The following HDAC8 variants were observed in gnomAD, a reference collection of about 807,000 sequenced individuals.
HDAC8 encodes the protein histone deacetylase-like 1.
HDAC8 carries 1 observed loss-of-function variant against 32.2 expected under a neutral mutation model. The ratio of observed to expected loss-of-function variants is 0.03; its 90% CI spans 0.01 to 0.15. The LOEUF (loss-of-function observed/expected upper bound fraction) is 0.15. HDAC8 is among the 10% of genes least tolerant of loss of function. The pLI is 1.00. For missense variants in HDAC8, 117 were observed against 300.0 expected (o/e 0.39, Z 4.51); for synonymous variants, 108 against 113.9 (o/e 0.95, Z 0.33).
chrX:72,414,681 C>A (rs782684137), intron 9 of HDAC8, among the ~76,000 whole-genome samples: 2 of 111,830 alleles, frequency 1.8e-5, no homozygotes, highest in Non-Finnish European at 3.8e-5. Context: ...TTGTCCAACA[C>A]CTCCCACCCC....
At chrX:72,541,187 A>T (rs1455323887) in intron 4 of HDAC8, among the ~76,000 whole-genome samples, 1 of 108,672 alleles carries the variant, frequency 9.2e-6, no homozygotes, top group Non-Finnish European at 1.9e-5. Context: ...CAAATTTTTT[A>T]AAAATGTGGT....
In HDAC8 at chrX:72,329,872, G is replaced by C; in HGVS notation, c.*182C>G. The C allele has an allele frequency of 1.2e-6, 1 of 828,307 alleles. No individual in the cohort carries two copies. Among genetic ancestry groups the C allele is most frequent in the Non-Finnish European group, 1.7e-6 (1 of 579,627 alleles). The allele number at this position is 828,307 out of a possible 1,213,427, so 68.3% of individuals were successfully genotyped here. On this transcript the variant is annotated 3_prime_UTR_variant, in exon 11 of 11. Coordinates refer to ENST00000373573, the MANE Select transcript of HDAC8 (RefSeq NM_018486.3). ...CCCCTAGGTCCAGTTGAGGACTCTG[G>C]GGTGCCTGCCTCTTCACCCCAGGAA...
chrX:72,502,365 T>C (rs2049249164), intron 4 of HDAC8, among the ~76,000 whole-genome samples: 1 of 111,771 alleles, frequency 8.9e-6, no homozygotes, highest in Non-Finnish European at 1.9e-5. Context: ...AGACTTGGAA[T>C]GCTCATCAAT....
At chrX:72,357,800 T>G (rs1227853436) in intron 9 of HDAC8, among the ~76,000 whole-genome samples, 1 of 112,220 alleles carries the variant, frequency 8.9e-6, no homozygotes, top group Non-Finnish European at 1.9e-5. Flanking sequence ...ACCCACAGAT[T>G]TAATGCCTTT....
At chrX:72,524,349 T>C (rs934133193) in intron 4 of HDAC8, among the ~76,000 whole-genome samples, 2 of 111,957 alleles carry the variant, frequency 1.8e-5, no homozygotes, top group Non-Finnish European at 3.8e-5. Context: ...TCATACCCTA[T>C]GCCCTAGGGA....
chrX:72,435,995 G>C (rs2046939728), intron 9 of HDAC8, among the ~76,000 whole-genome samples: 1 of 109,567 alleles, frequency 9.1e-6, no homozygotes. Flanking sequence ...TAGTGAACGT[G>C]AAAACAGAGC....
At chrX:72,515,594 G>C (rs1221388773) in intron 4 of HDAC8, among the ~76,000 whole-genome samples, 1 of 82,837 alleles carries the variant, frequency 1.2e-5, no homozygotes, top group Non-Finnish European at 2.4e-5. Context: ...GTGTGGGGGG[G>C]GGGTGGGGGG....
At chrX:72,535,762 G>A (rs782578037) in intron 4 of HDAC8, among the ~76,000 whole-genome samples, 2 of 111,663 alleles carry the variant, frequency 1.8e-5, no homozygotes, top group Non-Finnish European at 3.8e-5. Context: ...AAGGAACTCA[G>A]GTAAATCCGG....
intron 4 of HDAC8, among the ~76,000 whole-genome samples, chrX:72,555,379 C>T (rs1464476244): frequency 8.9e-6 from 1 of 111,790 alleles, no homozygotes; most frequent in Non-Finnish European, 1.9e-5. Flanking sequence ...AGCTCACCAG[C>T]AATGGATCCA....
At chrX:72,394,902 A>G (rs1266400476) in intron 9 of HDAC8, among the ~76,000 whole-genome samples, 1 of 111,405 alleles carries the variant, frequency 9.0e-6, no homozygotes, top group African/African-American at 3.3e-5. Flanking sequence ...CATAAAATGG[A>G]AACAGGGGCA....
intron 9 of HDAC8, among the ~76,000 whole-genome samples, chrX:72,362,274 C>T (rs1178258526): frequency 1.7e-4 from 19 of 111,224 alleles, no homozygotes; most frequent in Non-Finnish European, 3.2e-4. Flanking sequence ...AGGAACCTCC[C>T]CCGTCTCTCT....
At chrX:72,390,853 T>C (rs1411452650) in intron 9 of HDAC8, among the ~76,000 whole-genome samples, 1 of 112,083 alleles carries the variant, frequency 8.9e-6, no homozygotes, top group Non-Finnish European at 1.9e-5. Context: ...GCATTCTCTG[T>C]CATCTATTCC....
chrX:72,402,160 A>G (rs993013629), intron 9 of HDAC8, among the ~76,000 whole-genome samples: 1 of 111,209 alleles, frequency 9.0e-6, no homozygotes, highest in Non-Finnish European at 1.9e-5. Context: ...TGTTCATTGC[A>G]TTCTGTTATA....
chrX:72,543,779 G>A (rs989647420), intron 4 of HDAC8, among the ~76,000 whole-genome samples: 4 of 112,659 alleles, frequency 3.6e-5, no homozygotes, highest in African/African-American at 9.6e-5. Context: ...CATCATTTTA[G>A]GATTAAGATG....
intron 10 of HDAC8, among the ~76,000 whole-genome samples, chrX:72,342,528 T>A (rs2043912994): frequency 8.9e-6 from 1 of 112,405 alleles, no homozygotes; most frequent in African/African-American, 3.2e-5. Context: ...CCCTGAGTGG[T>A]TTACCTTATT....
chrX:72,551,975 T>C (rs1323675178), intron 4 of HDAC8, among the ~76,000 whole-genome samples: 3 of 112,342 alleles, frequency 2.7e-5, no homozygotes, highest in African/African-American at 9.7e-5. Context: ...AGCAAATTCC[T>C]ATTCCTTCTT....
intron 9 of HDAC8, among the ~76,000 whole-genome samples, chrX:72,456,843 C>T (rs987368813): frequency 4.5e-5 from 5 of 110,665 alleles, no homozygotes; most frequent in Admixed American, 1.9e-4. Flanking sequence ...AACAGATGCC[C>T]AGATGTAAAC....
At chrX:72,436,944 A>T (rs1350038728) in intron 9 of HDAC8, among the ~76,000 whole-genome samples, 1 of 112,277 alleles carries the variant, frequency 8.9e-6, no homozygotes, top group Non-Finnish European at 1.9e-5. Context: ...ACAAATTGAT[A>T]CACTTAAGAA....
At chrX:72,358,866 C>T (rs1419001320) in intron 9 of HDAC8, among the ~76,000 whole-genome samples, 2 of 111,401 alleles carry the variant, frequency 1.8e-5, no homozygotes, top group African/African-American at 3.3e-5. Flanking sequence ...CAACCTAGAT[C>T]CCTTGCACAT....
Sources: gnomAD v4.1 joint callset for allele counts (sites outside exome capture counted in the v4.1 genomes callset) on GRCh38, gnomAD v4.1.1 for gene constraint, MANE v1.5 for transcripts, NCBI Gene and HGNC (gene_info 2026-07-23, HGNC 2026-07-21) for gene names.